RTF1: variants seen among roughly 807,000 people sequenced by gnomAD.
The protein encoded by RTF1 is RTF1 homolog, Paf1/RNA polymerase II complex component.
Under a neutral mutation model 95.7 loss-of-function variants are expected in RTF1, and 10 were observed. That is an observed-to-expected ratio of 0.10 (90% CI 0.06 to 0.18). The LOEUF (loss-of-function observed/expected upper bound fraction) is 0.18. Ranked by LOEUF, RTF1 falls within the 10% of genes least tolerant of loss-of-function variation. RTF1 has a pLI of 1.00. For missense variants in RTF1, 458 were observed against 875.6 expected (o/e 0.52, Z 6.02); for synonymous variants, 305 against 311.8 (o/e 0.98, Z 0.23).
intron 6 of RTF1, among the ~76,000 whole-genome samples, chr15:41,468,550 C>T (rs960844133): frequency 1.3e-5 from 2 of 152,142 alleles, no homozygotes; most frequent in Non-Finnish European, 2.9e-5. Flanking sequence ...ATCTCCTGAC[C>T]TTGTGATCCG....
At chr15:41,431,658 T>A (rs2050674929) in intron 1 of RTF1, among the ~76,000 whole-genome samples, 1 of 152,016 alleles carries the variant, frequency 6.6e-6, no homozygotes, top group South Asian at 2.1e-4. Context: ...CCACCACACC[T>A]GGCTGAGTTT....
chr15:41,446,037 A>G (rs2050759154), intron 2 of RTF1, among the ~76,000 whole-genome samples: 1 of 152,106 alleles, frequency 6.6e-6, no homozygotes, highest in Non-Finnish European at 1.5e-5. Context: ...CACCACACCC[A>G]GCTTCCTCTG....
intron 1 of RTF1, among the ~76,000 whole-genome samples, chr15:41,419,713 A>C (rs180768876): frequency 6.6e-6 from 1 of 152,354 alleles, no homozygotes; most frequent in Admixed American, 6.5e-5. Context: ...TTTCCCACAG[A>C]ATTCTGATGA....
At chr15:41,434,162 T>TA (rs2050690213) in intron 1 of RTF1, among the ~76,000 whole-genome samples, 2 of 139,468 alleles carry the variant, frequency 1.4e-5, no homozygotes, top group Admixed American at 7.2e-5. Context: ...TTTTTTTTTT[T>TA]AAGTAAAGAT....
intron 2 of RTF1, among the ~76,000 whole-genome samples, chr15:41,439,208 T>G (rs998443100): frequency 3.9e-4 from 59 of 151,756 alleles, no homozygotes; most frequent in Non-Finnish European, 7.4e-4. Context: ...ATTTTTTTTT[T>G]TATTTTTAGT....
chr15:41,457,959 C>T lies in RTF1; in HGVS notation c.662+83C>T, dbSNP rs189942937. 3.7e-3 allele frequency: 3,976 copies of T among 1,077,076 alleles called. 14 individuals carry two copies. Among genetic ancestry groups the T allele is most frequent in the Non-Finnish European group, 4.9e-3 (3,534 of 718,604 alleles). The allele number at this position is 1,077,076 out of a possible 1,614,324, so 66.7% of individuals were successfully genotyped here. ...TTCTCATACTTCCCTGTCCTTCACA[C>T]CTGACCTACACATGGAGACTGGCAT... On this transcript the variant is annotated intron_variant, in intron 4 of 17. Coordinates refer to ENST00000389629, the MANE Select transcript of RTF1 (RefSeq NM_015138.5).
Position 41,438,684 on chromosome 15 carries a change from A to G in RTF1, c.309+253A>G, listed in dbSNP as rs2050717333. On this transcript the variant is annotated intron_variant, in intron 2 of 17. Transcript: ENST00000389629. ...GAGACCAGCCTGGCCAACATGGTGA[A>G]ACCCTGTCTCTACTAAAAATACAAA... is the stretch of plus-strand genomic sequence containing the variant. Among the ~76,000 whole-genome samples the G allele has an allele frequency of 6.6e-6, 1 of 152,008 alleles. No homozygotes were observed. Among genetic ancestry groups the G allele is most frequent in the African/African-American group, 2.4e-5 (1 of 41,418 alleles).
chr15:41,464,637 G>T (rs377607308), intron 4 of RTF1, 134 bp from the exon 5 acceptor site: 2 of 589,320 alleles, frequency 3.4e-6, no homozygotes, highest in East Asian at 6.2e-5. Flanking sequence ...TACTTAAAAG[G>T]TACACCAGAG....
chr15:41,432,347 G>A (rs2050679301), intron 1 of RTF1, among the ~76,000 whole-genome samples: 1 of 151,496 alleles, frequency 6.6e-6, no homozygotes, highest in African/African-American at 2.4e-5. Flanking sequence ...ACAGGCGCTC[G>A]CCACCACGCC....
At chr15:41,459,063 T>C (rs778826645) in intron 4 of RTF1, among the ~76,000 whole-genome samples, 2 of 140,934 alleles carry the variant, frequency 1.4e-5, no homozygotes, top group African/African-American at 5.4e-5. Flanking sequence ...CAGAGGGAGA[T>C]TCCGTCTCAA....
chr15:41,465,008 T>G, intron 5 of RTF1, 123 bp downstream of exon 5: 1 of 1,351,276 alleles, frequency 7.4e-7, no homozygotes, highest in African/African-American at 1.5e-5. Context: ...TTTATAAGAC[T>G]TGTGACATGG....
At position 41,452,781 on chromosome 15, in the gene RTF1, A is replaced by G. The variant is rs540433425; in HGVS notation, c.310-120A>G. 5.5e-5 allele frequency: 40 copies of G among 727,802 alleles called. No homozygotes were observed. The Middle Eastern group carries it at 2.0e-3, about 36-fold the overall frequency. 45.1% of individuals were successfully genotyped at this position (727,802 alleles called of 1,614,324 possible). On this transcript the variant is annotated intron_variant, in intron 2 of 17. Transcript: ENST00000389629. Reference sequence around the variant, plus strand: ...AAAATCTGTATTTTTTTTCATATGAAGTGTATTTGTTTTGGATTCAAAGAT... The same window carrying G: ...AAAATCTGTATTTTTTTTCATATGAGGTGTATTTGTTTTGGATTCAAAGAT...
rs777946939 is a variant in RTF1, at chr15:41,457,909, C to T, written c.662+33C>T. 5.3e-6 allele frequency: 8 copies of T among 1,501,870 alleles called. No individual in the cohort carries two copies. In the East Asian group the frequency reaches 1.7e-4, roughly 33 times the overall value. 93.0% of individuals were successfully genotyped at this position (1,501,870 alleles called of 1,614,324 possible). A position where few individuals can be genotyped will look rare whatever the true frequency, so the allele number is the denominator to read the frequency against. ...TGTCCTCGTCGTTGTCCCCCCCCCG[C>T]CCCCACCTTTTCTGTTCATCTCTTT... On this transcript the variant is annotated intron_variant, in intron 4 of 17. Coordinates refer to ENST00000389629, the MANE Select transcript of RTF1 (RefSeq NM_015138.5).
intron 1 of RTF1, among the ~76,000 whole-genome samples, chr15:41,422,707 C>T (rs368434166): frequency 5.9e-5 from 9 of 152,134 alleles, no homozygotes; most frequent in Non-Finnish European, 1.0e-4. Context: ...TCCTGTTTTT[C>T]TCTGTTTATC....
At chr15:41,465,452 C>T (rs2050875999) in intron 5 of RTF1, among the ~76,000 whole-genome samples, 1 of 152,160 alleles carries the variant, frequency 6.6e-6, no homozygotes, top group Admixed American at 6.5e-5. Context: ...ACCAGCCTGG[C>T]CAACGTGGCG....
At chr15:41,422,957 A>G (rs2050610052) in intron 1 of RTF1, among the ~76,000 whole-genome samples, 1 of 152,056 alleles carries the variant, frequency 6.6e-6, no homozygotes, top group African/African-American at 2.4e-5. Context: ...TATTTTTAGT[A>G]GAGACGGGGT....
intron 1 of RTF1, among the ~76,000 whole-genome samples, chr15:41,426,958 C>T (rs530373252): frequency 6.7e-6 from 1 of 150,010 alleles, no homozygotes; most frequent in South Asian, 2.1e-4. Flanking sequence ...TCTCCTGCCT[C>T]AGCCTGCCAA....
intron 5 of RTF1, among the ~76,000 whole-genome samples, 194 bp from the exon 6 acceptor site, chr15:41,465,947 C>T (rs1416100329): frequency 6.6e-6 from 1 of 152,164 alleles, no homozygotes; most frequent in African/African-American, 2.4e-5. Context: ...TTGGAATAGG[C>T]ATTTTAGACA....
chr15:41,471,391 A>T, intron 8 of RTF1, 42 bp downstream of exon 8: 1 of 1,570,076 alleles, frequency 6.4e-7, no homozygotes. Flanking sequence ...TGCTTTCAGT[A>T]TAATTAGTCT....
Sources: allele counts gnomAD v4.1 joint callset (sites outside exome capture counted in the v4.1 genomes callset), GRCh38; gene constraint gnomAD v4.1.1; transcripts MANE v1.5; gene names NCBI Gene and HGNC (gene_info 2026-07-23, HGNC 2026-07-21).